The following CCNI variants were observed in gnomAD, a reference collection of about 807,000 sequenced individuals.
CCNI encodes the protein cyclin-I.
In CCNI, 14 loss-of-function variants were observed where a neutral mutation model predicts 34.1. That is an observed-to-expected ratio of 0.41 (90% CI 0.27 to 0.64). The LOEUF (loss-of-function observed/expected upper bound fraction) is 0.64. Among genes scored for constraint, CCNI ranks in the 30% least tolerant of loss-of-function variants. The probability of loss-of-function intolerance (pLI) is 0.31; values close to 1 mark genes in which losing one functional copy is unlikely to be tolerated. For missense variants in CCNI, 385 were observed against 440.5 expected, an observed-to-expected ratio of 0.87 and a Z score of 1.13; for synonymous variants, 154 against 158.4, an observed-to-expected ratio of 0.97 and a Z score of 0.21.
chr4:77,064,290 T>TA (rs1728854551), intron 2 of CCNI, among the ~76,000 whole-genome samples: 1 of 151,612 alleles, frequency 6.6e-6, no homozygotes, highest in Admixed American at 6.6e-5. Context: ...AATATAGCAA[T>TA]ATACTACAAT....
intron 1 of CCNI, among the ~76,000 whole-genome samples, chr4:77,071,676 C>G (rs1729475538): frequency 6.6e-6 from 1 of 152,042 alleles, no homozygotes; most frequent in South Asian, 2.1e-4. Context: ...ACACTACCTA[C>G]CTTACAGAAA....
At chr4:77,071,715 C>T (rs1729478219) in intron 1 of CCNI, among the ~76,000 whole-genome samples, 1 of 152,074 alleles carries the variant, frequency 6.6e-6, no homozygotes, top group East Asian at 1.9e-4. Flanking sequence ...AATTTATGAA[C>T]AACTGTGTGC....
At position 77,060,099 on chromosome 4, in the gene CCNI, G is replaced by GA. The variant is rs5859559; in HGVS notation, c.115-1465dup. ...TAGAGATACAATGTGGGGTATGGGAGAAAAAAAAAAATCCCTGAATGACAG... is the reference window on the plus strand; with the variant it reads ...TAGAGATACAATGTGGGGTATGGGAGAAAAAAAAAAAATCCCTGAATGACAG... On this transcript the variant is annotated intron_variant, in intron 2 of 6. Coordinates refer to ENST00000237654, the MANE Select transcript of CCNI (RefSeq NM_006835.3). Among the ~76,000 whole-genome samples the GA allele has an allele frequency of 7.3e-3, 1,073 of 147,090 alleles. 16 individuals carry two copies. Among genetic ancestry groups the GA allele is most frequent in the African/African-American group, 0.025 (1,001 of 40,480 alleles).
chr4:77,063,952 T>C (rs1477474012), intron 2 of CCNI, among the ~76,000 whole-genome samples: 1 of 151,762 alleles, frequency 6.6e-6, no homozygotes, highest in Non-Finnish European at 1.5e-5. Flanking sequence ...CCTACAGAAA[T>C]AGGCCAGATT....
intron 1 of CCNI, among the ~76,000 whole-genome samples, chr4:77,067,058 C>T (rs902175362): frequency 3.9e-5 from 6 of 152,002 alleles, no homozygotes; most frequent in African/African-American, 1.5e-4. Context: ...ATGGTGAAAC[C>T]CCATCACTAC....
Position 77,070,471 on chromosome 4 carries a change from T to C in CCNI, c.-43-4066A>G, listed in dbSNP as rs551097516. Among the ~76,000 whole-genome samples the C allele has an allele frequency of 6.0e-3, 888 of 147,002 alleles. 12 individuals carry two copies. The highest frequency in any genetic ancestry group is 0.022 in the African/African-American group (846 of 39,334). Reference sequence around the variant, plus strand: ...CCCATTGTGTGCGAGGTTTGGGTACTTTCTTTTTTTTTTTTTTTTTTTGAC... The same window carrying C: ...CCCATTGTGTGCGAGGTTTGGGTACCTTCTTTTTTTTTTTTTTTTTTTGAC... On this transcript the variant is annotated intron_variant, in intron 1 of 6. Coordinates refer to ENST00000237654, the MANE Select transcript of CCNI (RefSeq NM_006835.3).
rs755320670 is a variant in CCNI at position 77,055,110 on chromosome 4, A to C, written c.690+40T>G. The C allele has an allele frequency of 2.9e-6, 4 of 1,377,930 alleles. No homozygotes were observed. The South Asian group carries it at 4.8e-5, about 17-fold the overall frequency. The allele number at this position is 1,377,930 out of a possible 1,614,324, so 85.4% of individuals were successfully genotyped here. ...AACTCTATGTATTCCAATAATAGAA[A>C]AACTTAAAAAGAACACTATTTAATT... On this transcript the variant is annotated intron_variant, in intron 6 of 6. Transcript: ENST00000237654.
intron 5 of CCNI, 24 bp downstream of exon 5, chr4:77,055,938 C>A: frequency 6.3e-7 from 1 of 1,577,308 alleles, no homozygotes; most frequent in South Asian, 1.2e-5. Context: ...AAATAAGAAA[C>A]TAAAAGACTT....
Position 77,048,446 on chromosome 4 carries a change from T to C in CCNI, c.907A>G (p.Thr303Ala). ...NSKPEVPVRG[T>A]AAFYHHLPAA... ...GGGAGATGATGGTAAAAGGCTGCTG[T>C]ACCTCTGACTGGCACTTCTGGCTTG... The change falls in exon 7 of 7, where the codon ACA (threonine) becomes GCA (alanine). Residue 303 changes from threonine to alanine, a missense_variant. This residue lies in a region of CCNI where 250 missense variants were observed against 248.7 expected (regional missense o/e 1.01). Transcript: ENST00000237654. The C allele has an allele frequency of 6.2e-7, 1 of 1,614,188 alleles. No homozygotes were observed.
At chr4:77,073,852 A>G (rs987731322) in intron 1 of CCNI, among the ~76,000 whole-genome samples, 1 of 152,196 alleles carries the variant, frequency 6.6e-6, no homozygotes, top group Non-Finnish European at 1.5e-5. Context: ...TCCAGAGTTG[A>G]GCATATGCCT....
intron 3 of CCNI, among the ~76,000 whole-genome samples, chr4:77,058,256 G>A (rs1198156612): frequency 6.6e-6 from 1 of 152,146 alleles, no homozygotes; most frequent in Non-Finnish European, 1.5e-5. Context: ...TTGGGAGGCT[G>A]AGGCACAAAA....
intron 2 of CCNI, chr4:77,064,668 T>C (rs1728894116): frequency 6.7e-6 from 1 of 150,210 alleles, no homozygotes; most frequent in Non-Finnish European, 1.5e-5. Flanking sequence ...GATCGAATTA[T>C]AATTTTTTTT....
Position 77,048,541 on chromosome 4 carries a change from G to A in CCNI, c.812C>T (p.Thr271Ile). The change falls in exon 7 of 7, where the codon ACC (threonine) becomes ATC (isoleucine). Residue 271 changes from threonine to isoleucine, a missense_variant. This residue lies in a region of CCNI where 250 missense variants were observed against 248.7 expected (regional missense o/e 1.01). Transcript: ENST00000237654. ...VYRPLKHTLV[T>I]CDKGVFRLHP... ...TAATCTGAACACTCCTTTGTCACAGGTCACCAGGGTGTGCTTGAGGGGACG... is the reference window on the plus strand; with the variant it reads ...TAATCTGAACACTCCTTTGTCACAGATCACCAGGGTGTGCTTGAGGGGACG... 6.2e-7 allele frequency: 1 copy of A among 1,613,866 alleles called. No homozygotes were observed.
At chr4:77,050,839 T>TAA (rs11384050) in intron 6 of CCNI, among the ~76,000 whole-genome samples, 59 of 141,500 alleles carry the variant, frequency 4.2e-4, no homozygotes, top group East Asian at 2.2e-3. Flanking sequence ...TTAGGAAGCC[T>TAA]AAAAAAAAAA....
rs937930830 is a variant in CCNI at position 77,063,116 on chromosome 4, A to G, written c.114+3133T>C. 2.6e-5 allele frequency among the ~76,000 whole-genome samples: 4 copies of G among 152,150 alleles called. No individual in the cohort carries two copies. In the East Asian group the frequency reaches 5.8e-4, roughly 22 times the overall value. ...CACATAGAAGGTGAGTGACAGCTGC[A>G]TAATATTCTTGCCTGACCACACTGT... On this transcript the variant is annotated intron_variant, in intron 2 of 6. Transcript: ENST00000237654.
Position 77,047,993 on chromosome 4 carries a change from T to G in CCNI, c.*226A>C. 2.5e-6 allele frequency: 1 copy of G among 393,772 alleles called. No homozygotes were observed. Among genetic ancestry groups the G allele is most frequent in the Non-Finnish European group, 4.5e-6 (1 of 220,920 alleles). The allele number at this position is 393,772 out of a possible 1,614,324, so 24.4% of individuals were successfully genotyped here. ...AGAGATTTTTTAAGTTTAAAAAAAGTTTGGATCTTTTGGATTTCTTTTTTT... is the reference window on the plus strand; with the variant it reads ...AGAGATTTTTTAAGTTTAAAAAAAGGTTGGATCTTTTGGATTTCTTTTTTT... On this transcript the variant is annotated 3_prime_UTR_variant, in exon 7 of 7. Coordinates refer to ENST00000237654, the MANE Select transcript of CCNI (RefSeq NM_006835.3).
chr4:77,072,219 C>T (rs950479673), intron 1 of CCNI, among the ~76,000 whole-genome samples: 6 of 151,850 alleles, frequency 4.0e-5, no homozygotes, highest in Non-Finnish European at 5.9e-5. Flanking sequence ...CAGAAATCAA[C>T]GCAATACATT....
chr4:77,075,718 A>G lies in CCNI; in HGVS notation c.-290T>C. 3.8e-6 allele frequency: 1 copy of G among 262,774 alleles called. No individual in the cohort carries two copies. Among genetic ancestry groups the G allele is most frequent in the Non-Finnish European group, 5.9e-6 (1 of 169,062 alleles). The allele number at this position is 262,774 out of a possible 1,614,324, so 16.3% of individuals were successfully genotyped here. On this transcript the variant is annotated 5_prime_UTR_variant, in exon 1 of 7. The change abolishes an upstream ATG in the 5' untranslated region. Coordinates refer to ENST00000237654, the MANE Select transcript of CCNI (RefSeq NM_006835.3). ...CTGGGTCGGTCAGCGAATTAGTTCC[A>G]TGATGACCCCCGGCCTGAGGCCGCC...
Position 77,066,409 on chromosome 4 carries a change from C to T in CCNI, c.-43-4G>A. On this transcript the variant is annotated splice_polypyrimidine_tract_variant and splice_region_variant and intron_variant, in intron 1 of 6. Transcript: ENST00000237654. ...CTACCCAGCTTGCTGTAGCTACCTA[C>T]AGAATCAAGTAAGTTTTAAAATTAG... The T allele has an allele frequency of 6.2e-7, 1 of 1,606,718 alleles. No individual in the cohort carries two copies. The highest frequency in any genetic ancestry group is 8.5e-7 in the Non-Finnish European group (1 of 1,177,106).
Sources: allele counts gnomAD v4.1 joint callset (sites outside exome capture counted in the v4.1 genomes callset), GRCh38; gene constraint gnomAD v4.1.1; regional missense constraint gnomAD v4.1.1; transcripts MANE v1.5; gene names NCBI Gene and HGNC (gene_info 2026-07-23, HGNC 2026-07-21).